Variants in FOXJ3 observed in about 807,000 individuals in gnomAD.
FOXJ3 encodes the protein forkhead box protein J3.
A neutral mutation model predicts 76.1 loss-of-function variants in FOXJ3; 22 were observed. The observed-to-expected ratio is 0.29, with a 90% CI of 0.21 to 0.41. FOXJ3 has a LOEUF of 0.41. Among genes scored for constraint, FOXJ3 ranks in the 10% least tolerant of loss-of-function variants. The pLI, the probability that FOXJ3 is intolerant of heterozygous loss-of-function variation, is 1.00. For synonymous variants in FOXJ3, 269 were observed against 261.2 expected (o/e 1.03, Z -0.29); for missense variants, 613 against 762.1 (o/e 0.80, Z 2.30).
chr1:42,181,359 C>G (rs638769), intron 12 of FOXJ3, among the ~76,000 whole-genome samples: 56,941 of 152,030 alleles, frequency 0.37, 12,204 homozygotes, highest in African/African-American at 0.59. Flanking sequence ...GTATGAACCA[C>G]TTAACACCTA....
intron 1 of FOXJ3, 115 bp from the exon 2 acceptor site, chr1:42,311,225 G>C: frequency 1.5e-6 from 1 of 651,172 alleles, no homozygotes; most frequent in African/African-American, 1.9e-5. Flanking sequence ...TTCTACTAAA[G>C]AATTCTACTA....
intron 6 of FOXJ3, among the ~76,000 whole-genome samples, chr1:42,202,495 C>T (rs1426224745): frequency 6.6e-6 from 1 of 151,910 alleles, no homozygotes; most frequent in Non-Finnish European, 1.5e-5. Context: ...GGTGGCAATC[C>T]GGATCTATGC....
intron 3 of FOXJ3, among the ~76,000 whole-genome samples, chr1:42,269,494 TCA>T (rs1651714257): frequency 1.3e-5 from 2 of 152,154 alleles, no homozygotes; most frequent in African/African-American, 4.8e-5. Flanking sequence ...CTAGCCAATC[TCA>T]GTTACAGCCA....
rs552125048 is a variant in FOXJ3, at chr1:42,215,287, G to A, written c.529-9424C>T. Among the ~76,000 whole-genome samples the A allele has an allele frequency of 2.1e-3, 323 of 151,886 alleles. 3 individuals are homozygous for A. Among genetic ancestry groups the A allele is most frequent in the Non-Finnish European group, 2.7e-3 (181 of 67,926 alleles). On this transcript the variant is annotated intron_variant, in intron 5 of 12. Transcript: ENST00000361346. Reference sequence around the variant, plus strand: ...GGAAATATAATAAAGGAAATCTCAAGAGAAAAATAAAAAAATCAAAATTTT... The same window carrying A: ...GGAAATATAATAAAGGAAATCTCAAAAGAAAAATAAAAAAATCAAAATTTT...
chr1:42,180,605 A>G (rs775465929), intron 12 of FOXJ3, among the ~76,000 whole-genome samples: 1 of 152,220 alleles, frequency 6.6e-6, no homozygotes, highest in Non-Finnish European at 1.5e-5. Flanking sequence ...TCTGATTACA[A>G]AATTTCAAGT....
At chr1:42,260,924 T>G (rs1650983814) in intron 4 of FOXJ3, among the ~76,000 whole-genome samples, 1 of 152,132 alleles carries the variant, frequency 6.6e-6, no homozygotes, top group Non-Finnish European at 1.5e-5. Flanking sequence ...TCTTAGCTAT[T>G]TTCTCAGTTC....
chr1:42,301,295 A>G (rs2124732824), intron 2 of FOXJ3, among the ~76,000 whole-genome samples: 1 of 152,132 alleles, frequency 6.6e-6, no homozygotes, highest in East Asian at 1.9e-4. Flanking sequence ...TCCTGGAATC[A>G]AGCGATTCTC....
In FOXJ3 at chr1:42,205,753, T is replaced by G; in HGVS notation, c.630+9A>C. On this transcript the variant is annotated intron_variant, in intron 6 of 12. Coordinates refer to ENST00000361346, the MANE Select transcript of FOXJ3 (RefSeq NM_014947.5). ...GACATTTCAATAATGTTTAAAAAAA[T>G]GAAATTACTTTGTTAGTCACAGTGT... 2 of 1,483,406 alleles carry G rather than the reference T, an allele frequency of 1.3e-6. No individual in the cohort carries two copies. The highest frequency in any genetic ancestry group is 9.4e-7 in the Non-Finnish European group (1 of 1,061,986). The allele number at this position is 1,483,406 out of a possible 1,614,324, so 91.9% of individuals were successfully genotyped here.
chr1:42,250,070 C>T (rs893748880), intron 4 of FOXJ3, among the ~76,000 whole-genome samples: 1 of 152,022 alleles, frequency 6.6e-6, no homozygotes, highest in African/African-American at 2.4e-5. Context: ...AATAGGACCA[C>T]GGAAGTAGAC....
chr1:42,189,068 A>G (rs1264431927), intron 10 of FOXJ3, 140 bp from the exon 11 acceptor site: 6 of 625,628 alleles, frequency 9.6e-6, no homozygotes, highest in African/African-American at 7.4e-5. Flanking sequence ...CGCAATGAAG[A>G]ATGACCTTTT....
At chr1:42,227,412 T>C (rs1230869544) in intron 5 of FOXJ3, among the ~76,000 whole-genome samples, 2 of 152,242 alleles carry the variant, frequency 1.3e-5, no homozygotes, top group Admixed American at 6.5e-5. Context: ...AATTCACAAG[T>C]AAGAATTATC....
chr1:42,271,431 G>A (rs1182058659), intron 3 of FOXJ3, among the ~76,000 whole-genome samples: 1 of 151,568 alleles, frequency 6.6e-6, no homozygotes, highest in African/African-American at 2.4e-5. Context: ...ATCCCCTAGG[G>A]GTAGTTATAT....
chr1:42,202,927 A>G (rs1314191120), intron 6 of FOXJ3, among the ~76,000 whole-genome samples: 1 of 152,230 alleles, frequency 6.6e-6, no homozygotes, highest in African/African-American at 2.4e-5. Flanking sequence ...TAAATCTATT[A>G]CCACGATCTT....
intron 4 of FOXJ3, among the ~76,000 whole-genome samples, chr1:42,261,203 T>TA (rs1651004724): frequency 6.7e-6 from 1 of 148,650 alleles, no homozygotes; most frequent in African/African-American, 2.5e-5. Flanking sequence ...CCCAAAGAAT[T>TA]TAAAAAAAAA....
In FOXJ3 at chr1:42,308,218, T is replaced by C. The variant is rs1654583661; in HGVS notation, c.44+2832A>G. Among the ~76,000 whole-genome samples the C allele has an allele frequency of 3.9e-5, 6 of 152,156 alleles. No homozygotes were observed. In the South Asian group the frequency reaches 1.2e-3, roughly 32 times the overall value. On this transcript the variant is annotated intron_variant, in intron 2 of 12. Transcript: ENST00000361346. ...GTTAGCCACTTTCTAGATATACAGATAGTATATACAAGGTAGTATATACGA... is the reference window on the plus strand; with the variant it reads ...GTTAGCCACTTTCTAGATATACAGACAGTATATACAAGGTAGTATATACGA...
At chr1:42,248,766 G>A (rs1570039857) in intron 4 of FOXJ3, among the ~76,000 whole-genome samples, 1 of 126,834 alleles carries the variant, frequency 7.9e-6, no homozygotes, top group Admixed American at 9.4e-5. Flanking sequence ...TAAGTTCCAG[G>A]ATACAAGTGC....
chr1:42,311,980 A>T (rs1459711028), intron 1 of FOXJ3, among the ~76,000 whole-genome samples: 1 of 152,204 alleles, frequency 6.6e-6, no homozygotes, highest in Non-Finnish European at 1.5e-5. Flanking sequence ...CAAATGCCTA[A>T]TGGTAACACA....
chr1:42,276,154 G>A (rs960615183), intron 3 of FOXJ3, among the ~76,000 whole-genome samples: 9 of 152,188 alleles, frequency 5.9e-5, no homozygotes, highest in East Asian at 3.9e-4. Context: ...TCAGGAGTTC[G>A]AGATCAGCCT....
chr1:42,231,465 G>T (rs531378007), intron 4 of FOXJ3, among the ~76,000 whole-genome samples: 11 of 152,302 alleles, frequency 7.2e-5, no homozygotes, highest in African/African-American at 2.6e-4. Context: ...GTTGGTAGGG[G>T]ATAAGGGGAA....
Sources: allele counts gnomAD v4.1 joint callset (sites outside exome capture counted in the v4.1 genomes callset), GRCh38; gene constraint gnomAD v4.1.1; transcripts MANE v1.5; gene names NCBI Gene and HGNC (gene_info 2026-07-23, HGNC 2026-07-21).